The following KMT2D variants were observed in gnomAD, a reference collection of about 807,000 sequenced individuals.
The protein encoded by KMT2D is lysine methyltransferase 2D, also known as histone-lysine N-methyltransferase 2D.
A neutral mutation model predicts 512.7 loss-of-function variants in KMT2D; 55 were observed. The ratio of observed to expected loss-of-function variants is 0.11; its 90% CI spans 0.09 to 0.13. The LOEUF (loss-of-function observed/expected upper bound fraction) is 0.13, where lower values mean the gene tolerates loss of function less well. Ranked by LOEUF, KMT2D falls within the 10% of genes least tolerant of loss-of-function variation. The probability of loss-of-function intolerance (pLI) is 1.00; values close to 1 mark genes in which losing one functional copy is unlikely to be tolerated. For missense variants in KMT2D, 6,061 were observed against 7,127.9 expected (o/e 0.85, Z 5.39); for synonymous variants, 2,995 against 2,904.0 (o/e 1.03, Z -1.01).
Position 49,043,666 on chromosome 12 carries a change from T to C in KMT2D, c.5436A>G (p.Ser1812=). 3.7e-6 allele frequency: 6 copies of C among 1,614,052 alleles called. No homozygotes were observed. Among genetic ancestry groups the C allele is most frequent in the Non-Finnish European group, 5.1e-6 (6 of 1,179,890 alleles). The part of the protein sequence containing the change: ...GTPKAKGDGG[S]ERKELPTSQK... ...GCGATGTGGGGAGTTCCTTCCTTTC[T>C]GAGCCTCCATCTCCCTTGGCTTTTG... The change falls in exon 24 of 55, where the codon TCA becomes TCG. Residue 1812 remains serine (S), a synonymous_variant. Coordinates refer to ENST00000301067, the MANE Select transcript of KMT2D (RefSeq NM_003482.4).
chr12:49,028,339 C>T (rs1037788793), intron 46 of KMT2D, among the ~76,000 whole-genome samples, 198 bp from the exon 47 acceptor site: 4 of 152,126 alleles, frequency 2.6e-5, no homozygotes, highest in Admixed American at 2.0e-4. Flanking sequence ...GGGAGCTCCA[C>T]GAAAAGGGAA....
rs1300315109 is a variant in KMT2D, at chr12:49,040,523, T to C, written c.7247A>G (p.Gln2416Arg). Residue 2416 changes from glutamine to arginine, a missense_variant, in exon 32 of 55, where the codon CAG (glutamine) becomes CGG (arginine). Gln to Arg is a conservative substitution (Grantham distance 43). Coordinates refer to ENST00000301067, the MANE Select transcript of KMT2D (RefSeq NM_003482.4). ...TGGAGACTGGGAGCTGGACTGGGAC[T>C]GAGGACTGGCAGGCACTCGGGAGAA... ...DPFSRVPASPQSQSSSQSPLT... is the reference protein window; with the variant it reads ...DPFSRVPASPRSQSSSQSPLT... 1.9e-6 allele frequency: 3 copies of C among 1,600,424 alleles called. No homozygotes were observed. The highest frequency in any genetic ancestry group is 2.6e-6 in the Non-Finnish European group (3 of 1,171,780).
Position 49,030,583 on chromosome 12 carries a change from T to C in KMT2D, c.13839+18A>G. On this transcript the variant is annotated intron_variant, in intron 42 of 54. Transcript: ENST00000301067. ...CAAGAACTTCACTATTCCCAAAAAA[T>C]ATTGCCATTTTTCTGACCTTGGTAA... 1 of 1,544,490 alleles carries C rather than the reference T, an allele frequency of 6.5e-7. No individual in the cohort carries two copies. The highest frequency in any genetic ancestry group is 8.7e-7 in the Non-Finnish European group (1 of 1,145,082).
intron 54 of KMT2D, 32 bp from the exon 55 acceptor site, chr12:49,021,904 G>C (rs778159901): frequency 3.1e-6 from 5 of 1,590,148 alleles, no homozygotes; most frequent in South Asian, 1.1e-5. Flanking sequence ...ATCAATGCTA[G>C]TCCCCCACAG....
In KMT2D at chr12:49,037,883, T is replaced by C. The variant is rs1483410438; in HGVS notation, c.9473A>G (p.Gln3158Arg). Residue 3158 changes from glutamine to arginine, a missense_variant, in exon 35 of 55, where the codon CAG (glutamine) becomes CGG (arginine). Gln to Arg is a conservative substitution (Grantham distance 43). Coordinates refer to ENST00000301067, the MANE Select transcript of KMT2D (RefSeq NM_003482.4). ...NSLGLGLKPG[Q>R]SMMGSRDTRM... is the part of the protein sequence containing the mutation. ...GGTATCCCGGCTGCCCATCATGCTC[T>C]GTCCTGGCTTTAGCCCCAGGCCAAG... The C allele has an allele frequency of 2.5e-6, 4 of 1,599,324 alleles. No individual in the cohort carries two copies. Among genetic ancestry groups the C allele is most frequent in the Non-Finnish European group, 2.6e-6 (3 of 1,173,058 alleles).
rs1229092998 is a variant in KMT2D at position 49,054,946 on chromosome 12, G to A, written c.130C>T (p.Leu44Phe). 2 of 1,614,024 alleles carry A rather than the reference G, an allele frequency of 1.2e-6. No homozygotes were observed. Among genetic ancestry groups the A allele is most frequent in the South Asian group, 2.2e-5 (2 of 91,092 alleles). ...TGAAGCCTGGGACTCCCAGAACTAA[G>A]GACAGAGACCTCTCCCACATGTGGG... ...PNPHVGEVSV[L>F]SSGSPRLQET... The change falls in exon 3 of 55, where the codon CTT (leucine) becomes TTT (phenylalanine). Residue 44 changes from leucine to phenylalanine, a missense_variant. Transcript: ENST00000301067. This position sits in a 1 kb window ranked among gnomAD's most constrained non-coding sequence, Gnocchi z 6.4.
Position 49,028,961 on chromosome 12 carries a change from G to T in KMT2D, c.14252-3C>A, listed in dbSNP as rs2120388594. ...ATAAGGTTTGGTATCTGGGAAGACT[G>T]AATGAGAAAGAGGAATTTGTGTAAC... On this transcript the variant is annotated splice_polypyrimidine_tract_variant and splice_region_variant and intron_variant, in intron 45 of 54. Transcript: ENST00000301067. 6.2e-7 allele frequency: 1 copy of T among 1,613,606 alleles called. No individual in the cohort carries two copies. Among genetic ancestry groups the T allele is most frequent in the South Asian group, 1.1e-5 (1 of 91,064 alleles).
intron 1 of KMT2D, among the ~76,000 whole-genome samples, chr12:49,058,955 G>A (rs1464773098): frequency 6.6e-6 from 1 of 152,196 alleles, no homozygotes; most frequent in East Asian, 1.9e-4. Flanking sequence ...CGGCCTCACT[G>A]GGGTCACTTT....
In KMT2D at chr12:49,042,795, C is replaced by T; in HGVS notation, c.5728G>A (p.Gly1910Arg). Residue 1910 changes from glycine (G) to arginine (R), a missense_variant, in exon 27 of 55, where the codon GGA becomes AGA. This residue lies in a region of KMT2D where 640 missense variants were observed against 814.3 expected (regional missense o/e 0.79). Coordinates refer to ENST00000301067, the MANE Select transcript of KMT2D (RefSeq NM_003482.4). This position sits in a 1 kb window ranked among gnomAD's most constrained non-coding sequence, Gnocchi z 4.4. Reference protein sequence around the residue: ...GSEREQHLGCGTPGLEGSRTP... With the variant: ...GSEREQHLGCRTPGLEGSRTP... ...CGGCTGCCTTCTAGGCCAGGGGTTC[C>T]ACAACCCAGATGCTGTTCTCGTTCA... 1 of 1,613,960 alleles carries T rather than the reference C, an allele frequency of 6.2e-7. No homozygotes were observed. Among genetic ancestry groups the T allele is most frequent in the Non-Finnish European group, 8.5e-7 (1 of 1,179,848 alleles).
chr12:49,041,679 A>G lies in KMT2D; in HGVS notation c.6210T>C (p.Ala2070=). The G allele has an allele frequency of 6.2e-7, 1 of 1,612,766 alleles. No homozygotes were observed. Among genetic ancestry groups the G allele is most frequent in the Non-Finnish European group, 8.5e-7 (1 of 1,179,320 alleles). The part of the protein sequence containing the change: ...YLQKAKDNRA[A]HRINKVQKQA... ...CCTTCTGCACCTTGTTGATGCGGTG[A>G]GCTGCCCGGTTATCTTTGGCCTTTT... Residue 2070 remains alanine (A), a synonymous_variant, in exon 31 of 55, where the codon GCT becomes GCC. Coordinates refer to ENST00000301067, the MANE Select transcript of KMT2D (RefSeq NM_003482.4). This position sits in a 1 kb window ranked among gnomAD's most constrained non-coding sequence, Gnocchi z 5.4.
rs2120419837 is a variant in KMT2D, at chr12:49,031,401, G to C, written c.13304C>G (p.Ala4435Gly). 1 of 1,613,604 alleles carries C rather than the reference G, an allele frequency of 6.2e-7. No individual in the cohort carries two copies. Among genetic ancestry groups the C allele is most frequent in the East Asian group, 2.2e-5 (1 of 44,876 alleles). ...ALGAQSVKRE[A>G]NGEPIGAPGT... ...TGGTGCCCCTATTGGCTCCCCATTG[G>C]CCTCCCTCTTCACTGACTGGGCTCC... Residue 4435 changes from alanine (A) to glycine (G), a missense_variant, in exon 40 of 55, where the codon GCC becomes GGC. Transcript: ENST00000301067.
rs190921998 is a variant in KMT2D, at chr12:49,051,424, G to A, written c.2259C>T (p.Ser753=). ...ATAGGTGTGGCTCCTCAGGCCGGGGGGACAGGTGCGGCTCCTCAGGCCGGG... is the reference window on the plus strand; with the variant it reads ...ATAGGTGTGGCTCCTCAGGCCGGGGAGACAGGTGCGGCTCCTCAGGCCGGG... ...LSPRPEEPHL[S]PRPEEPHLSP... Residue 753 remains serine, a synonymous_variant, in exon 11 of 55, where the codon TCC becomes TCT. Coordinates refer to ENST00000301067, the MANE Select transcript of KMT2D (RefSeq NM_003482.4). 3.7e-6 allele frequency: 6 copies of A among 1,608,982 alleles called. No individual in the cohort carries two copies. The South Asian group carries it at 5.5e-5, about 15-fold the overall frequency.
At position 49,038,580 on chromosome 12, in the gene KMT2D, C is replaced by T. The variant is rs1032971422; in HGVS notation, c.8776G>A (p.Val2926Ile). The T allele has an allele frequency of 4.3e-6, 7 of 1,612,510 alleles. No individual in the cohort carries two copies. Among genetic ancestry groups the T allele is most frequent in the Non-Finnish European group, 5.9e-6 (7 of 1,179,220 alleles). Residue 2926 changes from valine to isoleucine, a missense_variant, in exon 35 of 55, where the codon GTA (valine) becomes ATA (isoleucine). Val to Ile is a conservative substitution (Grantham distance 29). Transcript: ENST00000301067. The surrounding 1 kb of genome is among the most constrained non-coding windows in gnomAD (Gnocchi z 5.7). ...GGTTTCTGTGGGGGAAGACCTGATA[C>T]CGCCAGGCCCCGAAGCCCTTCAGGA... ...LAPEGLRGLA[V>I]SGLPPQKPSA...
rs2120542799 is a variant in KMT2D at position 49,041,166 on chromosome 12, G to A, written c.6604C>T (p.Pro2202Ser). 6.6e-7 allele frequency: 1 copy of A among 1,521,414 alleles called. No individual in the cohort carries two copies. The highest frequency in any genetic ancestry group is 8.8e-7 in the Non-Finnish European group (1 of 1,138,112). 94.2% of individuals were successfully genotyped at this position (1,521,414 alleles called of 1,614,324 possible). Reference sequence around the variant, plus strand: ...GGGGGCTGCGCAGGGGCCCCCGTAGGACTAGGATAGGGGGGATAGGTGGGC... The same window carrying A: ...GGGGGCTGCGCAGGGGCCCCCGTAGAACTAGGATAGGGGGGATAGGTGGGC... ...APPTYPPYPSPTGAPAQPPML... is the reference protein window; with the variant it reads ...APPTYPPYPSSTGAPAQPPML... The change falls in exon 32 of 55, where the codon CCT becomes TCT. Residue 2202 changes from proline to serine, a missense_variant. By Grantham distance (74) the Pro-to-Ser change is moderately conservative. This residue lies in a region of KMT2D where 710 missense variants were observed against 647.3 expected (regional missense o/e 1.10). Coordinates refer to ENST00000301067, the MANE Select transcript of KMT2D (RefSeq NM_003482.4). The surrounding 1 kb of genome is among the most constrained non-coding windows in gnomAD (Gnocchi z 5.4).
Position 49,032,678 on chromosome 12 carries a change from A to C in KMT2D, c.12027T>G (p.Phe4009Leu). Residue 4009 changes from phenylalanine to leucine, a missense_variant, in exon 40 of 55, where the codon TTT becomes TTG. Physicochemically the swap from Phe to Leu is conservative, Grantham distance 22 (BLOSUM62 0). Coordinates refer to ENST00000301067, the MANE Select transcript of KMT2D (RefSeq NM_003482.4). ...TTGGACCCAGGGCTCCAGGGCTAGA[A>C]AAGTGTTGAAGAGGCTTTGCTGGCA... ...PGMPAKPLQH[F>L]SSPGALGPTL... The C allele has an allele frequency of 6.2e-7, 1 of 1,613,708 alleles. No individual in the cohort carries two copies. The highest frequency in any genetic ancestry group is 8.5e-7 in the Non-Finnish European group (1 of 1,179,796).
chr12:49,052,275 G>C lies in KMT2D; in HGVS notation c.1408C>G (p.Pro470Ala), dbSNP rs761594079. 6.2e-7 allele frequency: 1 copy of C among 1,608,594 alleles called. No individual in the cohort carries two copies. ...GGGGATGCGGGCAATTCCTCAGGTG[G>C]TGGTGACAGGCGTGATGCCTCAGGT... ...PPPEASRLSP[P>A]PEELPASPLP... The change falls in exon 11 of 55, where the codon CCA becomes GCA. Residue 470 changes from proline to alanine, a missense_variant. Transcript: ENST00000301067.
rs948980634 is a variant in KMT2D at position 49,037,992 on chromosome 12, C to A, written c.9364G>T (p.Val3122Leu). The A allele has an allele frequency of 1.2e-6, 2 of 1,603,500 alleles. No individual in the cohort carries two copies. Among genetic ancestry groups the A allele is most frequent in the Non-Finnish European group, 1.7e-6 (2 of 1,175,302 alleles). The change falls in exon 35 of 55, where the codon GTG becomes TTG. Residue 3122 changes from valine (V) to leucine (L), a missense_variant. Physicochemically the swap from Val to Leu is conservative, Grantham distance 32 (BLOSUM62 1). Around this residue, in one of 16 missense-constraint regions of KMT2D, gnomAD observed 533 missense variants for 539.6 expected, o/e 0.99. Transcript: ENST00000301067. Reference sequence around the variant, plus strand: ...GAAGGGTGGCGTCCACCCTCCTCCACCTTGGGCTTCACCTCAGGGAGCACA... The same window carrying A: ...GAAGGGTGGCGTCCACCCTCCTCCAACTTGGGCTTCACCTCAGGGAGCACA... ...ASVLPEVKPK[V>L]EEGGRHPSPC...
chr12:49,052,615 A>T lies in KMT2D; in HGVS notation c.1207T>A (p.Ser403Thr). ...QGQPKGGHVTSMQPKEPGPLQ... is the reference protein window; with the variant it reads ...QGQPKGGHVTTMQPKEPGPLQ... ...GGCCCTGGTTCCTTGGGTTGCATAG[A>T]GGTCACGTGCCCACCCTTTGGCTGC... Residue 403 changes from serine (S) to threonine (T), a missense_variant, in exon 10 of 55, where the codon TCT becomes ACT. Ser to Thr is a moderately conservative substitution (Grantham distance 58). This residue lies in a region of KMT2D where 848 missense variants were observed against 838.5 expected (regional missense o/e 1.01). Transcript: ENST00000301067. 6.2e-7 allele frequency: 1 copy of T among 1,613,528 alleles called. No individual in the cohort carries two copies. The highest frequency in any genetic ancestry group is 2.2e-5 in the East Asian group (1 of 44,870).
At position 49,051,882 on chromosome 12, in the gene KMT2D, G is replaced by A. The variant is rs1938068696; in HGVS notation, c.1801C>T (p.Pro601Ser). 6.2e-7 allele frequency: 1 copy of A among 1,613,048 alleles called. No individual in the cohort carries two copies. The highest frequency in any genetic ancestry group is 1.3e-5 in the African/African-American group (1 of 74,688). The change falls in exon 11 of 55, where the codon CCA (proline) becomes TCA (serine). Residue 601 changes from proline to serine, a missense_variant. Around this residue, in one of 16 missense-constraint regions of KMT2D, gnomAD observed 848 missense variants for 838.5 expected, o/e 1.01. Transcript: ENST00000301067. ...GACAGAGGAGACTCTTCAAATGGTG[G>A]GAACAGACGAGATGCCTCCGGTGGT... Reference protein sequence around the residue: ...SPPPEASRLFPPFEESPLSPP... With the variant: ...SPPPEASRLFSPFEESPLSPP...
Sources: gnomAD v4.1 joint callset for allele counts (sites outside exome capture counted in the v4.1 genomes callset) on GRCh38, gnomAD v4.1.1 for gene constraint, gnomAD v4.1.1 regional missense constraint, Gnocchi (gnomAD v3.1) non-coding constraint, MANE v1.5 for transcripts, NCBI Gene and HGNC (gene_info 2026-07-23, HGNC 2026-07-21) for gene names.